KCNK18: variants seen among roughly 807,000 people sequenced by gnomAD.
The protein encoded by KCNK18 is potassium channel subfamily K member 18.
A neutral mutation model predicts 11.8 loss-of-function variants in KCNK18; 8 were observed. That is an observed-to-expected ratio of 0.68 (90% CI 0.40 to 1.22). The LOEUF (loss-of-function observed/expected upper bound fraction) is 1.22. KCNK18 is among the 50% of genes most tolerant of loss of function. The pLI is 0.01. For missense variants in KCNK18, 442 were observed against 465.4 expected, an observed-to-expected ratio of 0.95 and a Z score of 0.46; for synonymous variants, 208 against 185.8, an observed-to-expected ratio of 1.12 and a Z score of -0.97.
rs1300012864 is a variant in KCNK18, at chr10:117,209,548, T to G, written c.404T>G (p.Leu135Arg). ...VTRLGKYLCMLYALFGIPLMF... is the reference protein window; with the variant it reads ...VTRLGKYLCMRYALFGIPLMF... ...AGGCTTGGCAAGTACTTGTGCATGCTCTATGCTCTCTTTGGTATCCCCCTG... is the reference window on the plus strand; with the variant it reads ...AGGCTTGGCAAGTACTTGTGCATGCGCTATGCTCTCTTTGGTATCCCCCTG... The change falls in exon 3 of 3, where the codon CTC becomes CGC. Residue 135 changes from leucine (L) to arginine (R), a missense_variant. Leu to Arg is a moderately radical substitution (Grantham distance 102). Transcript: ENST00000334549. 6.2e-7 allele frequency: 1 copy of G among 1,614,046 alleles called. No individual in the cohort carries two copies. Among genetic ancestry groups the G allele is most frequent in the African/African-American group, 1.3e-5 (1 of 74,902 alleles).
rs747178392 is a variant in KCNK18, at chr10:117,209,566, T to A, written c.422T>A (p.Ile141Asn). The A allele has an allele frequency of 1.9e-6, 3 of 1,614,126 alleles. No homozygotes were observed. In the Admixed American group the frequency reaches 5.0e-5, roughly 27 times the overall value. The change falls in exon 3 of 3, where the codon ATC (isoleucine) becomes AAC (asparagine). Residue 141 changes from isoleucine (I) to asparagine (N), a missense_variant. Physicochemically the swap from Ile to Asn is moderately radical, Grantham distance 149. Coordinates refer to ENST00000334549, the MANE Select transcript of KCNK18 (RefSeq NM_181840.1). ...YLCMLYALFG[I>N]PLMFLVLTDT... The stretch of plus-strand genomic sequence containing the variant: ...TGCATGCTCTATGCTCTCTTTGGTA[T>A]CCCCCTGATGTTCCTCGTTCTCACG...
At chr10:117,198,285 G>A (rs896292782) in intron 1 of KCNK18, among the ~76,000 whole-genome samples, 3 of 152,062 alleles carry the variant, frequency 2.0e-5, no homozygotes, top group Non-Finnish European at 2.9e-5. Context: ...GAGAAGACCT[G>A]GGGGGAGGGG....
At chr10:117,198,821 G>A (rs1376895736) in intron 1 of KCNK18, among the ~76,000 whole-genome samples, 4 of 152,146 alleles carry the variant, frequency 2.6e-5, no homozygotes, top group South Asian at 2.1e-4. Flanking sequence ...CCAGACAGAC[G>A]CCAGCCTGCT....
chr10:117,208,527 A>T (rs1347050386), intron 2 of KCNK18, among the ~76,000 whole-genome samples: 2 of 152,174 alleles, frequency 1.3e-5, no homozygotes, highest in African/African-American at 4.8e-5. Context: ...GTCAGTCAGA[A>T]CCTAGATGCT....
At chr10:117,199,911 G>A (rs530879143) in intron 1 of KCNK18, among the ~76,000 whole-genome samples, 2 of 152,248 alleles carry the variant, frequency 1.3e-5, no homozygotes, top group Admixed American at 6.5e-5. Context: ...CAGGCCAATC[G>A]AGCCATTCAG....
At chr10:117,201,073 G>A in intron 1 of KCNK18, 86 bp from the exon 2 acceptor site, 1 of 1,537,406 alleles carries the variant, frequency 6.5e-7, no homozygotes, top group Admixed American at 1.7e-5. Flanking sequence ...GCTGGTCCTT[G>A]GGGAAGACTA....
At position 117,209,740 on chromosome 10, in the gene KCNK18, T is replaced by TC; in HGVS notation, c.599dup (p.Gln201SerfsTer7). On this transcript the variant is annotated frameshift_variant, in exon 3 of 3. Coordinates refer to ENST00000334549, the MANE Select transcript of KCNK18 (RefSeq NM_181840.1). LOFTEE classifies it low-confidence loss of function (END_TRUNC). ...GACCCCAAGCCCGCAGATGAAGCTGTCCCTCAGATCATCATCAGTGCTGAA... is the reference window on the plus strand; with the variant it reads ...GACCCCAAGCCCGCAGATGAAGCTGTCCCCTCAGATCATCATCAGTGCTGAA... The TC allele has an allele frequency of 6.2e-7, 1 of 1,614,158 alleles. No homozygotes were observed. The highest frequency in any genetic ancestry group is 1.1e-5 in the South Asian group (1 of 91,070).
In KCNK18 at chr10:117,209,757, A is replaced by G; in HGVS notation, c.613A>G (p.Ser205Gly). 1 of 1,614,178 alleles carries G rather than the reference A, an allele frequency of 6.2e-7. No individual in the cohort carries two copies. The highest frequency in any genetic ancestry group is 8.5e-7 in the Non-Finnish European group (1 of 1,180,044). The change falls in exon 3 of 3, where the codon AGT becomes GGT. Residue 205 changes from serine (S) to glycine (G), a missense_variant. Ser to Gly is a moderately conservative substitution (Grantham distance 56, BLOSUM62 0). Coordinates refer to ENST00000334549, the MANE Select transcript of KCNK18 (RefSeq NM_181840.1). ...TGAAGCTGTCCCTCAGATCATCATCAGTGCTGAAGAGCTTCCAGGCCCCAA... is the reference window on the plus strand; with the variant it reads ...TGAAGCTGTCCCTCAGATCATCATCGGTGCTGAAGAGCTTCCAGGCCCCAA... ...ADEAVPQIII[S>G]AEELPGPKLG...
intron 2 of KCNK18, among the ~76,000 whole-genome samples, chr10:117,206,296 C>T (rs943350922): frequency 1.3e-5 from 2 of 152,106 alleles, no homozygotes; most frequent in Non-Finnish European, 2.9e-5. Flanking sequence ...GCCAGCATCC[C>T]CTGGCTCGTG....
intron 2 of KCNK18, 71 bp downstream of exon 2, chr10:117,201,358 T>A: frequency 6.4e-7 from 1 of 1,554,210 alleles, no homozygotes; most frequent in Non-Finnish European, 8.8e-7. Context: ...CAAAGGACAC[T>A]GGAATTGGGG....
rs749250553 is a variant in KCNK18, at chr10:117,209,582, C to T, written c.438C>T (p.Leu146=). Residue 146 remains leucine (L), a synonymous_variant, in exon 3 of 3, where the codon CTC becomes CTT. Transcript: ENST00000334549. ...YALFGIPLMF[L]VLTDTGDILA... ...TCTTTGGTATCCCCCTGATGTTCCT[C>T]GTTCTCACGGACACAGGCGACATCC... The T allele has an allele frequency of 1.4e-5, 23 of 1,614,070 alleles. No individual in the cohort carries two copies. The highest frequency in any genetic ancestry group is 1.6e-4 in the Middle Eastern group (1 of 6,084).
intron 1 of KCNK18, among the ~76,000 whole-genome samples, chr10:117,199,564 C>A (rs184193384): frequency 6.6e-6 from 1 of 152,138 alleles, no homozygotes; most frequent in Non-Finnish European, 1.5e-5. Flanking sequence ...GAAATTGAGG[C>A]CTTGGGAGGT....
chr10:117,203,755 T>C (rs569424769), intron 2 of KCNK18, among the ~76,000 whole-genome samples: 23 of 152,340 alleles, frequency 1.5e-4, no homozygotes, highest in African/African-American at 5.5e-4. Flanking sequence ...CAGTGTGGTC[T>C]TGAACTCCTG....
chr10:117,200,814 G>GGAA (rs552649905), intron 1 of KCNK18, among the ~76,000 whole-genome samples: 2 of 145,482 alleles, frequency 1.4e-5, no homozygotes, highest in Admixed American at 6.8e-5. Context: ...CTTGTCTCAA[G>GGAA]AAAAAAAAAA....
At chr10:117,208,989 T>C (rs566392077) in intron 2 of KCNK18, among the ~76,000 whole-genome samples, 4 of 152,212 alleles carry the variant, frequency 2.6e-5, no homozygotes, top group Admixed American at 6.5e-5. Context: ...GACCCGCCCA[T>C]CTTGGCCTCC....
chr10:117,197,556 G>C lies in KCNK18; in HGVS notation c.68G>C (p.Gly23Ala). The C allele has an allele frequency of 1.2e-6, 2 of 1,614,204 alleles. No individual in the cohort carries two copies. The highest frequency in any genetic ancestry group is 1.7e-6 in the Non-Finnish European group (2 of 1,180,038). Reference sequence around the variant, plus strand: ...GAGGCCCTGGGAAAGCTCTTCCCTGGCCTCTGCTTCCTCTGCTTTCTGGTG... The same window carrying C: ...GAGGCCCTGGGAAAGCTCTTCCCTGCCCTCTGCTTCCTCTGCTTTCTGGTG... ...CPEALGKLFP[G>A]LCFLCFLVTY... is the part of the protein sequence containing the mutation. The change falls in exon 1 of 3, where the codon GGC (glycine) becomes GCC (alanine). Residue 23 changes from glycine to alanine, a missense_variant. Transcript: ENST00000334549.
At chr10:117,201,638 C>T (rs1855015478) in intron 2 of KCNK18, among the ~76,000 whole-genome samples, 1 of 152,232 alleles carries the variant, frequency 6.6e-6, no homozygotes, top group Non-Finnish European at 1.5e-5. Context: ...AGACCCAGCA[C>T]CCTGCTGCCT....
intron 1 of KCNK18, among the ~76,000 whole-genome samples, chr10:117,198,482 A>G (rs937352782): frequency 5.9e-5 from 9 of 152,220 alleles, no homozygotes; most frequent in African/African-American, 1.9e-4. Flanking sequence ...GGAAGACAGA[A>G]GTCACTTTAT....
rs747054872 is a variant in KCNK18, at chr10:117,209,909, A to G, written c.765A>G (p.Glu255=). Residue 255 remains glutamate (E), a synonymous_variant, in exon 3 of 3, where the codon GAA becomes GAG. Transcript: ENST00000334549. The stretch of plus-strand genomic sequence containing the variant: ...TGGAGAGGAGTAACTCGTGTCCCGA[A>G]CTGGTGTTGGGAAGACTCTCATACT... ...QAMERSNSCP[E]LVLGRLSYSI... is the part of the protein sequence containing the mutation. 10 of 1,614,092 alleles carry G rather than the reference A, an allele frequency of 6.2e-6. No homozygotes were observed. The East Asian group carries it at 1.8e-4, about 29-fold the overall frequency.
Sources: gnomAD v4.1 joint callset for allele counts (sites outside exome capture counted in the v4.1 genomes callset) on GRCh38, gnomAD v4.1.1 for gene constraint, MANE v1.5 for transcripts, NCBI Gene and HGNC (gene_info 2026-07-23, HGNC 2026-07-21) for gene names.